Variants in SPAST observed in about 807,000 individuals in gnomAD.
SPAST encodes spastic paraplegia 4 (autosomal dominant; spastin).
A neutral mutation model predicts 76.6 loss-of-function variants in SPAST; 30 were observed. The ratio of observed to expected loss-of-function variants is 0.39; its 90% CI spans 0.29 to 0.53. SPAST has a LOEUF of 0.53. SPAST is among the 20% of genes least tolerant of loss of function. The probability of loss-of-function intolerance (pLI) is 0.68; values close to 1 mark genes in which losing one functional copy is unlikely to be tolerated. For synonymous variants in SPAST, 305 were observed against 281.0 expected (o/e 1.09, Z -0.86); for missense variants, 717 against 770.5 (o/e 0.93, Z 0.82).
chr2:32,102,560 G>A (rs1191164272), intron 4 of SPAST, among the ~76,000 whole-genome samples: 3 of 152,180 alleles, frequency 2.0e-5, no homozygotes, highest in Non-Finnish European at 4.4e-5. Context: ...CTTTCAAAGG[G>A]AATGCTTCCA....
At chr2:32,107,525 T>A (rs1230498489) in intron 4 of SPAST, among the ~76,000 whole-genome samples, 15 of 152,152 alleles carry the variant, frequency 9.9e-5, no homozygotes, top group Admixed American at 9.8e-4. Context: ...AGTGTTGGGA[T>A]TACAGTCATG....
intron 3 of SPAST, among the ~76,000 whole-genome samples, chr2:32,093,303 T>C (rs184750689): frequency 0.095 from 9,304 of 98,250 alleles, 437 homozygotes; most frequent in Middle Eastern, 0.18. Flanking sequence ...AGAGCGAGAC[T>C]CCGTCTCAAA....
At chr2:32,107,019 C>G (rs1221300016) in intron 4 of SPAST, among the ~76,000 whole-genome samples, 2 of 151,932 alleles carry the variant, frequency 1.3e-5, no homozygotes, top group Non-Finnish European at 2.9e-5. Context: ...AAGAGTTGGT[C>G]TGTCTTTCCT....
In SPAST at chr2:32,066,979, AAAAAAAAAAAAAACC is replaced by A. The variant is rs1227477002; in HGVS notation, c.415+2748_415+2762del. On this transcript the variant is annotated intron_variant, in intron 1 of 16. Coordinates refer to ENST00000315285, the MANE Select transcript of SPAST (RefSeq NM_014946.4). ...ACAGGAGTAAAACTGTCTCAAAAAA[AAAAAAAAAAAAAACC>A]AAAAAAAAAAAAACTGTTTTAATTG... Among the ~76,000 whole-genome samples the A allele has an allele frequency of 5.8e-3, 612 of 105,072 alleles. 11 individuals carry two copies. The highest frequency in any genetic ancestry group is 7.5e-3 in the East Asian group (18 of 2,406). 68.9% of individuals were successfully genotyped at this position (105,072 alleles called of 152,430 possible). A position where few individuals can be genotyped will look rare whatever the true frequency, so the allele number is the denominator to read the frequency against.
At chr2:32,104,351 A>G (rs1049418572) in intron 4 of SPAST, among the ~76,000 whole-genome samples, 1 of 152,104 alleles carries the variant, frequency 6.6e-6, no homozygotes, top group Admixed American at 6.5e-5. Context: ...GTGTCTCTGC[A>G]CGTGAGATGG....
At chr2:32,139,200 T>C (rs554749424) in intron 12 of SPAST, among the ~76,000 whole-genome samples, 1 of 152,322 alleles carries the variant, frequency 6.6e-6, no homozygotes, top group Admixed American at 6.5e-5. Flanking sequence ...AAAAACAACA[T>C]TGATAGTTTG....
chr2:32,074,090 G>C (rs1187439707), intron 1 of SPAST, among the ~76,000 whole-genome samples: 1 of 152,194 alleles, frequency 6.6e-6, no homozygotes, highest in Non-Finnish European at 1.5e-5. Context: ...GTGTTAGGAA[G>C]ATAGGATTTG....
At chr2:32,143,867 C>CA (rs997666830) in intron 14 of SPAST, among the ~76,000 whole-genome samples, 1 of 151,648 alleles carries the variant, frequency 6.6e-6, no homozygotes, top group Non-Finnish European at 1.5e-5. Context: ...GACCCTGTCT[C>CA]AAAAAAAATT....
intron 2 of SPAST, 116 bp downstream of exon 2, chr2:32,087,694 C>CTTTTTTTTTTT (rs770566493): frequency 1.6e-4 from 30 of 186,234 alleles, no homozygotes; most frequent in African/African-American, 3.3e-4. Context: ...CTTTTCTTTT[C>CTTTTTTTTTTT]TTTTTTTTTT....
chr2:32,154,646 A>T lies in SPAST; in HGVS notation c.*150A>T, dbSNP rs1178919503. 2.5e-6 allele frequency: 2 copies of T among 784,588 alleles called. No individual in the cohort carries two copies. The highest frequency in any genetic ancestry group is 2.6e-5 in the East Asian group (1 of 37,990). The allele number at this position is 784,588 out of a possible 1,614,324, so 48.6% of individuals were successfully genotyped here. ...TGCACCAAACTTGAAGATGAACCAGAAAACAGACTTAAACAAAATATACAA... is the reference window on the plus strand; with the variant it reads ...TGCACCAAACTTGAAGATGAACCAGTAAACAGACTTAAACAAAATATACAA... On this transcript the variant is annotated 3_prime_UTR_variant, in exon 17 of 17. Transcript: ENST00000315285.
chr2:32,067,587 T>G (rs956233506), intron 1 of SPAST, among the ~76,000 whole-genome samples: 1 of 152,072 alleles, frequency 6.6e-6, no homozygotes. Flanking sequence ...ATATCTATTA[T>G]ACTTAAATCC....
chr2:32,111,997 GT>G (rs1678629446), intron 4 of SPAST, among the ~76,000 whole-genome samples: 2 of 147,682 alleles, frequency 1.4e-5, no homozygotes, highest in Non-Finnish European at 3.0e-5. Context: ...AGTAGTAGTA[GT>G]AGTAGTAGTA....
intron 4 of SPAST, among the ~76,000 whole-genome samples, chr2:32,107,871 C>G (rs1377905323): frequency 1.3e-5 from 2 of 152,142 alleles, no homozygotes; most frequent in African/African-American, 4.8e-5. Flanking sequence ...ATTAGTGTCA[C>G]TCACTTCTGG....
intron 7 of SPAST, among the ~76,000 whole-genome samples, chr2:32,122,903 A>G (rs1470050612): frequency 6.6e-6 from 1 of 152,216 alleles, no homozygotes; most frequent in African/African-American, 2.4e-5. Flanking sequence ...TGTAGAATAC[A>G]AAGTTAATAT....
chr2:32,125,472 C>T (rs976629269), intron 7 of SPAST, among the ~76,000 whole-genome samples: 1 of 152,132 alleles, frequency 6.6e-6, no homozygotes, highest in Admixed American at 6.5e-5. Flanking sequence ...ATCTGCCCGC[C>T]TCGGCCTCCC....
intron 1 of SPAST, among the ~76,000 whole-genome samples, chr2:32,084,013 A>G (rs886493056): frequency 6.6e-6 from 1 of 150,734 alleles, no homozygotes; most frequent in African/African-American, 2.4e-5. Flanking sequence ...TCCTGACCTC[A>G]GGTGATCCAC....
chr2:32,131,151 A>G (rs1189899729), intron 9 of SPAST, among the ~76,000 whole-genome samples: 1 of 152,160 alleles, frequency 6.6e-6, no homozygotes, highest in Non-Finnish European at 1.5e-5. Context: ...TTCAAATATT[A>G]TTATGCTTTT....
At chr2:32,106,263 G>T (rs183315388) in intron 4 of SPAST, among the ~76,000 whole-genome samples, 12 of 152,312 alleles carry the variant, frequency 7.9e-5, no homozygotes, top group East Asian at 7.7e-4. Flanking sequence ...CTCTGAGCCA[G>T]GCATGGGATA....
At chr2:32,121,121 T>G (rs1012212313) in intron 7 of SPAST, among the ~76,000 whole-genome samples, 5 of 152,112 alleles carry the variant, frequency 3.3e-5, no homozygotes, top group African/African-American at 9.7e-5. Context: ...ACTTTTTCTT[T>G]TCTTCTTCCC....
Sources: allele counts gnomAD v4.1 joint callset (sites outside exome capture counted in the v4.1 genomes callset), GRCh38; gene constraint gnomAD v4.1.1; transcripts MANE v1.5; gene names NCBI Gene and HGNC (gene_info 2026-07-23, HGNC 2026-07-21).